The following STARD9 variants were observed in gnomAD, a reference collection of about 807,000 sequenced individuals.
STARD9 encodes the protein StAR related lipid transfer domain containing 9, also known as stAR-related lipid transfer protein 9.
STARD9 carries 346 observed loss-of-function variants against 399.8 expected under a neutral mutation model. The ratio of observed to expected loss-of-function variants is 0.87; its 90% confidence interval spans 0.79 to 0.95. The LOEUF is 0.95. Among genes scored for constraint, STARD9 ranks in the 40% least tolerant of loss-of-function variants. STARD9 has a pLI of 0.00. For synonymous variants in STARD9, 2,203 were observed against 2,143.5 expected (o/e 1.03, Z -0.77); for missense variants, 5,832 against 5,667.5 (o/e 1.03, Z -0.93).
At position 42,610,364 on chromosome 15, in the gene STARD9, C is replaced by G. The variant is rs189278086; in HGVS notation, c.235-24492C>G. On this transcript the variant is annotated intron_variant, in intron 3 of 32. Transcript: ENST00000290607. ...GATATGACCCTCTAAAGCCCTCTTT[C>G]CTTTCGGCAGCATGATCAGCAACAT... 2.0e-5 allele frequency among the ~76,000 whole-genome samples: 3 copies of G among 152,230 alleles called. No homozygotes were observed. In the East Asian group the frequency reaches 5.8e-4, roughly 29 times the overall value.
chr15:42,677,660 G>A (rs1000531168), intron 20 of STARD9, among the ~76,000 whole-genome samples: 1 of 152,180 alleles, frequency 6.6e-6, no homozygotes, highest in African/African-American at 2.4e-5. Flanking sequence ...ACCGATTCAC[G>A]TCCTGGCTGT....
chr15:42,693,286 C>T lies in STARD9; in HGVS notation c.11708C>T (p.Thr3903Ile), dbSNP rs1022009239. The part of the protein sequence containing the change: ...FVDRASSPIL[T>I]LSASTQEPGL... Reference sequence around the variant, plus strand: ...GACAGGGCCTCCTCCCCAATCCTCACTCTTAGTGCCAGCACCCAAGAGCCG... The same window carrying T: ...GACAGGGCCTCCTCCCCAATCCTCATTCTTAGTGCCAGCACCCAAGAGCCG... The change falls in exon 23 of 33, where the codon ACT (threonine) becomes ATT (isoleucine). Residue 3903 changes from threonine to isoleucine, a missense_variant. Transcript: ENST00000290607. 1 of 1,537,020 alleles carries T rather than the reference C, an allele frequency of 6.5e-7. No homozygotes were observed. The highest frequency in any genetic ancestry group is 1.4e-5 in the African/African-American group (1 of 73,020).
chr15:42,710,985 T>C (rs2061206132), intron 26 of STARD9, among the ~76,000 whole-genome samples: 1 of 151,990 alleles, frequency 6.6e-6, no homozygotes, highest in South Asian at 2.1e-4. Context: ...TTTTTTTAAT[T>C]TAACTTTTTT....
At chr15:42,673,947 A>G (rs2060256369) in intron 16 of STARD9, 4 of 456,486 alleles carry the variant, frequency 8.8e-6, no homozygotes, top group Non-Finnish European at 1.8e-5. Context: ...GTTAAACTTC[A>G]TCTGCGGACC....
intron 26 of STARD9, among the ~76,000 whole-genome samples, chr15:42,702,399 T>C (rs1340891554): frequency 1.3e-5 from 2 of 152,120 alleles, no homozygotes; most frequent in Non-Finnish European, 2.9e-5. Context: ...AGACGGGGTT[T>C]CGCTATGTTG....
At chr15:42,664,967 C>T (rs2060065201) in intron 13 of STARD9, among the ~76,000 whole-genome samples, 1 of 152,118 alleles carries the variant, frequency 6.6e-6, no homozygotes, top group African/African-American at 2.4e-5. Context: ...GATTCTCAAA[C>T]TTTAGTGTGT....
chr15:42,593,824 C>A (rs1251013553), intron 3 of STARD9, among the ~76,000 whole-genome samples: 1 of 151,434 alleles, frequency 6.6e-6, no homozygotes, highest in South Asian at 2.1e-4. Context: ...CCACCACGCC[C>A]GGCTAACTTT....
At chr15:42,717,878 C>T in intron 29 of STARD9, 83 bp downstream of exon 29, 1 of 1,500,032 alleles carries the variant, frequency 6.7e-7, no homozygotes, top group African/African-American at 1.4e-5. Flanking sequence ...CTTTCCCTTA[C>T]CTGGATTCCT....
intron 16 of STARD9, chr15:42,672,680 A>AT (rs2060225390): frequency 6.6e-6 from 1 of 150,580 alleles, no homozygotes; most frequent in Non-Finnish European, 1.5e-5. Flanking sequence ...TGCAGTGCGG[A>AT]CAGAGCCTCA....
intron 20 of STARD9, among the ~76,000 whole-genome samples, chr15:42,677,000 C>A (rs2060323591): frequency 6.6e-6 from 1 of 150,932 alleles, no homozygotes; most frequent in South Asian, 2.1e-4. Context: ...TGCCTGTAAT[C>A]CCAGCACTTT....
At chr15:42,602,754 T>C (rs1291781759) in intron 3 of STARD9, among the ~76,000 whole-genome samples, 2 of 152,182 alleles carry the variant, frequency 1.3e-5, no homozygotes, top group African/African-American at 4.8e-5. Context: ...CGAAGAAGAC[T>C]CGGCCAGCAA....
At chr15:42,646,160 T>TCAACAA (rs544510397) in intron 7 of STARD9, among the ~76,000 whole-genome samples, 1 of 151,918 alleles carries the variant, frequency 6.6e-6, no homozygotes, top group African/African-American at 2.4e-5. Context: ...AAACTCCGTC[T>TCAACAA]CAACAACAAC....
At chr15:42,714,966 C>T (rs1233221941) in intron 26 of STARD9, among the ~76,000 whole-genome samples, 3 of 151,572 alleles carry the variant, frequency 2.0e-5, no homozygotes, top group Non-Finnish European at 4.4e-5. Flanking sequence ...TTTTGTACAG[C>T]ACTGGGAACA....
intron 8 of STARD9, among the ~76,000 whole-genome samples, chr15:42,651,345 C>G (rs2059758694): frequency 6.6e-6 from 1 of 152,138 alleles, no homozygotes; most frequent in South Asian, 2.1e-4. Context: ...GGAAGTTACT[C>G]TATATTTTGT....
chr15:42,677,462 A>G (rs542713747), intron 20 of STARD9, among the ~76,000 whole-genome samples: 1 of 152,168 alleles, frequency 6.6e-6, no homozygotes, highest in Non-Finnish European at 1.5e-5. Flanking sequence ...CTTAGGCTGG[A>G]GCTTTTGCTT....
Position 42,717,752 on chromosome 15 carries a change from A to C in STARD9, c.13516A>C (p.Asn4506His), listed in dbSNP as rs1348447685. 1.3e-6 allele frequency: 2 copies of C among 1,536,940 alleles called. No individual in the cohort carries two copies. Among genetic ancestry groups the C allele is most frequent in the Non-Finnish European group, 1.7e-6 (2 of 1,146,888 alleles). ...MADVMAACSD[N>H]LHNLFSCQAT... The stretch of plus-strand genomic sequence containing the variant: ...CCAGGTAATGGCTGCTTGTTCGGAT[A>C]ATTTGCACAACCTCTTCAGCTGCCA... Residue 4506 changes from asparagine to histidine, a missense_variant, in exon 29 of 33, where the codon AAT becomes CAT. By Grantham distance (68) the Asn-to-His change is moderately conservative. This residue lies in a region of STARD9 where 5,828 missense variants were observed against 5,651.1 expected (regional missense o/e 1.03). Transcript: ENST00000290607.
At chr15:42,593,696 C>T (rs1264500968) in intron 3 of STARD9, among the ~76,000 whole-genome samples, 1 of 117,152 alleles carries the variant, frequency 8.5e-6, no homozygotes, top group African/African-American at 3.1e-5. Flanking sequence ...CAGAGTCTCA[C>T]TCTGTTGCCC....
chr15:42,617,315 A>T (rs1252324747), intron 3 of STARD9, among the ~76,000 whole-genome samples: 6 of 152,192 alleles, frequency 3.9e-5, no homozygotes, highest in Non-Finnish European at 4.4e-5. Flanking sequence ...TGACTTCAGA[A>T]AATTAGGAGG....
chr15:42,637,998 T>G (rs750136540), intron 5 of STARD9, 28 bp from the exon 6 acceptor site: 1 of 1,537,338 alleles, frequency 6.5e-7, no homozygotes, highest in South Asian at 1.2e-5. Context: ...ATTCCTACAA[T>G]GAAACCCCAA....
Sources: gnomAD v4.1 joint callset for allele counts (sites outside exome capture counted in the v4.1 genomes callset) on GRCh38, gnomAD v4.1.1 for gene constraint, gnomAD v4.1.1 regional missense constraint, MANE v1.5 for transcripts, NCBI Gene and HGNC (gene_info 2026-07-23, HGNC 2026-07-21) for gene names.